USP8: variants seen among roughly 807,000 people sequenced by gnomAD.
USP8 encodes ubiquitin carboxyl-terminal hydrolase 8.
USP8 carries 27 observed loss-of-function variants against 130.0 expected under a neutral mutation model. The observed-to-expected ratio is 0.21, with a 90% CI of 0.15 to 0.29. The LOEUF is 0.29. Among genes scored for constraint, USP8 ranks in the 10% least tolerant of loss-of-function variants. USP8 has a pLI of 1.00. For synonymous variants in USP8, 392 were observed against 444.1 expected (o/e 0.88, Z 1.48); for missense variants, 1,029 against 1,312.2 (o/e 0.78, Z 3.33).
chr15:50,445,439 G>A (rs1045248095), intron 3 of USP8, among the ~76,000 whole-genome samples: 7 of 149,398 alleles, frequency 4.7e-5, no homozygotes, highest in African/African-American at 9.9e-5. Flanking sequence ...CCAGCTACTC[G>A]GGAGGCTGAG....
intron 4 of USP8, 133 bp downstream of exon 4, chr15:50,449,618 G>C: frequency 1.9e-6 from 1 of 518,202 alleles, no homozygotes; most frequent in Non-Finnish European, 3.0e-6. Flanking sequence ...CGCGCTGTCT[G>C]TCGCCCATGC....
chr15:50,446,458 G>T (rs1036371153), intron 3 of USP8, among the ~76,000 whole-genome samples: 3 of 152,124 alleles, frequency 2.0e-5, no homozygotes, highest in Non-Finnish European at 4.4e-5. Flanking sequence ...AATAAAACAA[G>T]TTATAGCATT....
intron 12 of USP8, among the ~76,000 whole-genome samples, chr15:50,488,642 G>A (rs966298561): frequency 7.4e-6 from 1 of 134,830 alleles, no homozygotes; most frequent in Non-Finnish European, 1.5e-5. Flanking sequence ...TCAGCTCACT[G>A]CAACCTCCGC....
chr15:50,449,425 C>A lies in USP8; in HGVS notation c.275C>A (p.Pro92His). Residue 92 changes from proline (P) to histidine (H), a missense_variant, in exon 4 of 20, where the codon CCT becomes CAT. By Grantham distance (77) the Pro-to-His change is moderately conservative. Transcript: ENST00000307179. ...QQDYFHSILG[P>H]GNIKKAVEEA... Reference sequence around the variant, plus strand: ...GATTATTTCCATTCAATACTTGGACCTGGAAACATCAAAAAAGCTGTCGAA... The same window carrying A: ...GATTATTTCCATTCAATACTTGGACATGGAAACATCAAAAAAGCTGTCGAA... 6.3e-7 allele frequency: 1 copy of A among 1,596,374 alleles called. No homozygotes were observed. The highest frequency in any genetic ancestry group is 8.5e-7 in the Non-Finnish European group (1 of 1,170,044).
chr15:50,430,661 C>G (rs2049901133), intron 1 of USP8, among the ~76,000 whole-genome samples: 1 of 151,970 alleles, frequency 6.6e-6, no homozygotes, highest in Admixed American at 6.6e-5. Flanking sequence ...GGTGTCAATA[C>G]TTAATTATCT....
intron 3 of USP8, among the ~76,000 whole-genome samples, chr15:50,445,326 ACTTG>A (rs1270520378): frequency 1.9e-4 from 28 of 150,290 alleles, no homozygotes; most frequent in Middle Eastern, 3.6e-3. Flanking sequence ...CAGGTGGATC[ACTTG>A]CGGTCAGGAG....
At chr15:50,459,285 AT>A in intron 5 of USP8, 123 bp downstream of exon 5, 1 of 1,338,910 alleles carries the variant, frequency 7.5e-7, no homozygotes, top group Non-Finnish European at 1.0e-6. Context: ...TAATGTTTTA[AT>A]TAGAAATTTA....
intron 4 of USP8, among the ~76,000 whole-genome samples, chr15:50,456,158 T>C (rs2050781075): frequency 1.3e-5 from 2 of 152,224 alleles, no homozygotes; most frequent in Non-Finnish European, 2.9e-5. Flanking sequence ...CTTTATTTTT[T>C]AAGGCGAAAG....
At chr15:50,466,265 C>A (rs3098170) in intron 7 of USP8, among the ~76,000 whole-genome samples, 4,732 of 152,082 alleles carry the variant, frequency 0.031, 100 homozygotes, top group South Asian at 0.082. Context: ...AAATGTTTGA[C>A]CTGAAGCGTA....
At chr15:50,451,325 C>G (rs947805796) in intron 4 of USP8, among the ~76,000 whole-genome samples, 1 of 152,076 alleles carries the variant, frequency 6.6e-6, no homozygotes, top group Non-Finnish European at 1.5e-5. Context: ...GCAGGAGAAT[C>G]GCTTCAGCCT....
In USP8 at chr15:50,495,982, A is replaced by G; in HGVS notation, c.2793A>G (p.Lys931=). 1 of 1,614,014 alleles carries G rather than the reference A, an allele frequency of 6.2e-7. No individual in the cohort carries two copies. ...IIVALFQGQF[K]STVQCLTCHK... ...TTGCACTTTTTCAGGGTCAATTCAA[A>G]TCTACAGTACAGTGCCTCACATGTC... The change falls in exon 17 of 20, where the codon AAA becomes AAG. Residue 931 remains lysine, a synonymous_variant. Coordinates refer to ENST00000307179, the MANE Select transcript of USP8 (RefSeq NM_005154.5).
At chr15:50,428,331 G>A (rs1484854006) in intron 1 of USP8, among the ~76,000 whole-genome samples, 1 of 152,096 alleles carries the variant, frequency 6.6e-6, no homozygotes, top group African/African-American at 2.4e-5. Flanking sequence ...TGCCCAGGCT[G>A]GTCACGAACT....
rs761173387 is a variant in USP8 at position 50,465,067 on chromosome 15, C to T, written c.562C>T (p.Leu188=). Residue 188 remains leucine (L), a synonymous_variant, in exon 7 of 20, where the codon CTA becomes TTA. Coordinates refer to ENST00000307179, the MANE Select transcript of USP8 (RefSeq NM_005154.5). ...CCAAGGAGCAATCACAGCAAAGGAA[C>T]TATACACAATGATGACGGATAAAAA... ...KEKGAITAKE[L]YTMMTDKNIS... is the part of the protein sequence containing the mutation. The T allele has an allele frequency of 6.2e-7, 1 of 1,614,030 alleles. No individual in the cohort carries two copies.
chr15:50,473,819 TA>T (rs1266381272), intron 8 of USP8, among the ~76,000 whole-genome samples: 58 of 144,652 alleles, frequency 4.0e-4, no homozygotes, highest in African/African-American at 6.6e-4. Flanking sequence ...TATATATATA[TA>T]TTTTTTTAAT....
chr15:50,459,192 G>C, intron 5 of USP8, 30 bp downstream of exon 5: 2 of 1,586,176 alleles, frequency 1.3e-6, no homozygotes, highest in Non-Finnish European at 1.7e-6. Context: ...TGAGTTAAAA[G>C]ACTGTTTCTG....
At chr15:50,441,217 C>T (rs1023956274) in intron 2 of USP8, 132 bp from the exon 3 acceptor site, 12 of 806,258 alleles carry the variant, frequency 1.5e-5, no homozygotes, top group Admixed American at 7.3e-5. Context: ...CATAACAGGC[C>T]GTGAACCAGT....
intron 1 of USP8, among the ~76,000 whole-genome samples, chr15:50,430,575 T>A (rs985952393): frequency 1.9e-4 from 29 of 152,144 alleles, no homozygotes; most frequent in African/African-American, 6.5e-4. Flanking sequence ...TTTTTTATTT[T>A]TTTATTTTTT....
At chr15:50,424,594 A>T in intron 1 of USP8, 80 bp downstream of exon 1, 1 of 398,126 alleles carries the variant, frequency 2.5e-6, no homozygotes, top group Non-Finnish European at 4.4e-6. Flanking sequence ...TCCTTCCACC[A>T]GCTGCTGGTT....
At position 50,441,406 on chromosome 15, in the gene USP8, T is replaced by G; in HGVS notation, c.162T>G (p.Arg54=). 6.2e-7 allele frequency: 1 copy of G among 1,610,808 alleles called. No homozygotes were observed. The highest frequency in any genetic ancestry group is 8.5e-7 in the Non-Finnish European group (1 of 1,179,454). ...CAGCAGAAGAATGCAGATTAGATCG[T>G]GATGAGGAAAGGGCCTATGTACTAT... ...FKTAEECRLD[R]DEERAYVLYM... Residue 54 remains arginine (R), a synonymous_variant, in exon 3 of 20, where the codon CGT becomes CGG. Transcript: ENST00000307179.
Sources: allele counts gnomAD v4.1 joint callset (sites outside exome capture counted in the v4.1 genomes callset), GRCh38; gene constraint gnomAD v4.1.1; transcripts MANE v1.5; gene names NCBI Gene and HGNC (gene_info 2026-07-23, HGNC 2026-07-21).